The following STYK1 variants were observed in gnomAD, a reference collection of about 807,000 sequenced individuals.
STYK1 encodes the protein STY kinase 1.
A neutral mutation model predicts 48.1 loss-of-function variants in STYK1; 46 were observed. That is an observed-to-expected ratio of 0.96 (90% CI 0.75 to 1.22). The LOEUF (loss-of-function observed/expected upper bound fraction) is 1.22, where lower values mean the gene tolerates loss of function less well. STYK1 is among the 50% of genes most tolerant of loss of function. The pLI is 0.00. For missense variants in STYK1, 527 were observed against 521.1 expected (o/e 1.01, Z -0.11); for synonymous variants, 188 against 189.0 (o/e 0.99, Z 0.04).
intron 1 of STYK1, among the ~76,000 whole-genome samples, chr12:10,641,056 A>G (rs1255712399): frequency 2.0e-5 from 3 of 152,158 alleles, no homozygotes; most frequent in Non-Finnish European, 4.4e-5. Context: ...GAAATAGCAT[A>G]TCTTAAATTA....
intron 6 of STYK1, among the ~76,000 whole-genome samples, chr12:10,628,651 C>T (rs866049624): frequency 6.6e-6 from 1 of 152,108 alleles, no homozygotes; most frequent in African/African-American, 2.4e-5. Context: ...AACTTGCTCA[C>T]TAGCAAGTGA....
At chr12:10,622,241 C>T (rs547204928) in intron 9 of STYK1, among the ~76,000 whole-genome samples, 1 of 152,250 alleles carries the variant, frequency 6.6e-6, no homozygotes, top group Admixed American at 6.5e-5. Context: ...AGACATAAGA[C>T]CTGTCCTCCA....
At position 10,642,971 on chromosome 12, in the gene STYK1, T is replaced by C. The variant is rs760590492; in HGVS notation, c.-194-5775A>G. On this transcript the variant is annotated intron_variant, in intron 1 of 10. Coordinates refer to ENST00000075503, the MANE Select transcript of STYK1 (RefSeq NM_018423.3). Reference sequence around the variant, plus strand: ...CCGCTGATATCACTTATATGCTGGCTAATTTCCACCCAGATCCTGAACCAA... The same window carrying C: ...CCGCTGATATCACTTATATGCTGGCCAATTTCCACCCAGATCCTGAACCAA... Among the ~76,000 whole-genome samples, 7 of 152,218 alleles carry C rather than the reference T, an allele frequency of 4.6e-5. 1 individual carries two copies. The South Asian group carries it at 1.4e-3, about 31-fold the overall frequency.
intron 1 of STYK1, among the ~76,000 whole-genome samples, chr12:10,638,116 T>C (rs1016936989): frequency 1.3e-5 from 2 of 152,238 alleles, no homozygotes; most frequent in Admixed American, 6.5e-5. Context: ...ATCCATGGCA[T>C]TGGAATCAAG....
At chr12:10,664,962 G>A (rs1325984577) in intron 1 of STYK1, among the ~76,000 whole-genome samples, 1 of 152,188 alleles carries the variant, frequency 6.6e-6, no homozygotes, top group Non-Finnish European at 1.5e-5. Context: ...AAGTGAAAAG[G>A]TGACATGCAT....
At position 10,619,924 on chromosome 12, in the gene STYK1, A is replaced by T. The variant is rs150060676; in HGVS notation, c.*220T>A. 241 of 610,090 alleles carry T rather than the reference A, an allele frequency of 4.0e-4. 1 individual carries two copies. In the African/African-American group the frequency reaches 4.0e-3, roughly 10 times the overall value. The allele number at this position is 610,090 out of a possible 1,614,324, so 37.8% of individuals were successfully genotyped here. ...ACCACTTCTACCCAGGATTTCTAGGACTGGGACAGCAGAAGTGAGACTGAC... is the reference window on the plus strand; with the variant it reads ...ACCACTTCTACCCAGGATTTCTAGGTCTGGGACAGCAGAAGTGAGACTGAC... On this transcript the variant is annotated 3_prime_UTR_variant, in exon 11 of 11. Transcript: ENST00000075503.
At chr12:10,633,934 T>C (rs1388982024) in intron 4 of STYK1, 56 bp downstream of exon 4, 2 of 1,589,478 alleles carry the variant, frequency 1.3e-6, no homozygotes, top group African/African-American at 1.4e-5. Flanking sequence ...GACCATACTT[T>C]TTCCTAATCT....
chr12:10,624,557 T>C (rs1187033388), intron 8 of STYK1, 94 bp downstream of exon 8: 9 of 1,087,444 alleles, frequency 8.3e-6, no homozygotes, highest in Non-Finnish European at 1.1e-5. Flanking sequence ...AGAGATTATA[T>C]TCGTATACAG....
chr12:10,646,800 G>A (rs1947604805), intron 1 of STYK1, among the ~76,000 whole-genome samples: 1 of 152,228 alleles, frequency 6.6e-6, no homozygotes. Flanking sequence ...GCAATCTAGG[G>A]ACTTGGTGCC....
intron 1 of STYK1, among the ~76,000 whole-genome samples, chr12:10,653,967 C>G (rs760637096): frequency 1.3e-5 from 2 of 152,162 alleles, no homozygotes; most frequent in Non-Finnish European, 2.9e-5. Context: ...GAGGTCAACA[C>G]AAGATACAGG....
In STYK1 at chr12:10,624,814, T is replaced by C. The variant is rs776096075; in HGVS notation, c.763A>G (p.Arg255Gly). 1 of 1,614,172 alleles carries C rather than the reference T, an allele frequency of 6.2e-7. No individual in the cohort carries two copies. The highest frequency in any genetic ancestry group is 8.5e-7 in the Non-Finnish European group (1 of 1,180,026). Reference protein sequence around the residue: ...KHLFHGDVAARNILMQSDLTA... With the variant: ...KHLFHGDVAAGNILMQSDLTA... ...AGATCACTTTGCATCAGAATATTCC[T>C]GGCTGCCACATCCCCATGGAACAAA... Residue 255 changes from arginine (R) to glycine (G), a missense_variant, in exon 8 of 11, where the codon AGG (arginine) becomes GGG (glycine). Transcript: ENST00000075503.
intron 4 of STYK1, among the ~76,000 whole-genome samples, chr12:10,632,143 G>A (rs1947436163): frequency 6.6e-6 from 1 of 151,792 alleles, no homozygotes. Flanking sequence ...CCTGAGCCCA[G>A]GAGATCCTGG....
rs1947495164 is a variant in STYK1, at chr12:10,637,196, G to A, written c.-194C>T. ...ATCTTGCAGCCCAGTGAAATTGGAT[G>A]CTAGAGCAAGGAGATAAATGTATAG... On this transcript the variant is annotated splice_region_variant and 5_prime_UTR_variant, in exon 2 of 11. Transcript: ENST00000075503. 1 of 152,212 alleles carries A rather than the reference G, an allele frequency of 6.6e-6. No homozygotes were observed. Among genetic ancestry groups the A allele is most frequent in the African/African-American group, 2.4e-5 (1 of 41,440 alleles). 9.4% of individuals were successfully genotyped at this position (152,212 alleles called of 1,614,324 possible).
In STYK1 at chr12:10,627,719, C is replaced by T. The variant is rs1380060965; in HGVS notation, c.639G>A (p.Val213=). ...CATAGAGAAGACCATCCATAGTCAT[C>T]ACATCCTAAAGAGACAGGGAAAAAA... ...LSFLWTCRRD[V]MTMDGLLYDL... The change falls in exon 7 of 11, where the codon GTG becomes GTA. Residue 213 remains valine, a synonymous_variant. Coordinates refer to ENST00000075503, the MANE Select transcript of STYK1 (RefSeq NM_018423.3). 1 of 1,610,456 alleles carries T rather than the reference C, an allele frequency of 6.2e-7. No homozygotes were observed. The highest frequency in any genetic ancestry group is 8.5e-7 in the Non-Finnish European group (1 of 1,179,006).
intron 1 of STYK1, among the ~76,000 whole-genome samples, chr12:10,673,364 A>G (rs1466852606): frequency 6.6e-6 from 1 of 152,004 alleles, no homozygotes; most frequent in African/African-American, 2.4e-5. Context: ...GTGACAGAGC[A>G]AGACTCCCTC....
At chr12:10,637,317 T>A (rs997515567) in intron 1 of STYK1, 121 bp from the exon 2 acceptor site, 2 of 151,586 alleles carry the variant, frequency 1.3e-5, no homozygotes, top group Non-Finnish European at 2.9e-5. Context: ...GCATATGGAG[T>A]GTACCAGATG....
At chr12:10,673,342 A>G (rs950553703) in intron 1 of STYK1, among the ~76,000 whole-genome samples, 1 of 151,872 alleles carries the variant, frequency 6.6e-6, no homozygotes, top group Non-Finnish European at 1.5e-5. Flanking sequence ...GCGCCATTGC[A>G]CTCCAGCCTG....
chr12:10,642,996 A>G (rs950205588), intron 1 of STYK1, among the ~76,000 whole-genome samples: 2 of 152,136 alleles, frequency 1.3e-5, no homozygotes, highest in African/African-American at 4.8e-5. Flanking sequence ...TCCTGAACCA[A>G]TTCTGACGGG....
chr12:10,671,444 G>A lies in STYK1; in HGVS notation c.-195+2522C>T, dbSNP rs573862946. Among the ~76,000 whole-genome samples, 595 of 126,478 alleles carry A rather than the reference G, an allele frequency of 4.7e-3. 3 individuals are homozygous for A. Among genetic ancestry groups the A allele is most frequent in the African/African-American group, 0.019 (564 of 30,044 alleles). The allele number at this position is 126,478 out of a possible 152,430, so 83.0% of individuals were successfully genotyped here. A position where few individuals can be genotyped will look rare whatever the true frequency, so the allele number is the denominator to read the frequency against. On this transcript the variant is annotated intron_variant, in intron 1 of 10. Transcript: ENST00000075503. ...ATCCTTAAGTGTGAGAAAGGCAAAAGTGAGCGTCAGCATAAGACATGAGAA... is the reference window on the plus strand; with the variant it reads ...ATCCTTAAGTGTGAGAAAGGCAAAAATGAGCGTCAGCATAAGACATGAGAA...
Sources: allele counts gnomAD v4.1 joint callset (sites outside exome capture counted in the v4.1 genomes callset), GRCh38; gene constraint gnomAD v4.1.1; transcripts MANE v1.5; gene names NCBI Gene and HGNC (gene_info 2026-07-23, HGNC 2026-07-21).